Variants in LRRC4C observed in about 807,000 individuals in gnomAD.
LRRC4C encodes the protein leucine rich repeat containing 4C.
A neutral mutation model predicts 33.6 loss-of-function variants in LRRC4C; 5 were observed. The ratio of observed to expected loss-of-function variants is 0.15; its 90% CI spans 0.08 to 0.31. The LOEUF (loss-of-function observed/expected upper bound fraction) is 0.31, where lower values mean the gene tolerates loss of function less well. Among genes scored for constraint, LRRC4C ranks in the 10% least tolerant of loss-of-function variants. LRRC4C has a pLI of 1.00. For missense variants in LRRC4C, 560 were observed against 796.7 expected (o/e 0.70, Z 3.58); for synonymous variants, 329 against 302.0 (o/e 1.09, Z -0.93).
intron 1 of LRRC4C, among the ~76,000 whole-genome samples, chr11:41,340,890 G>A (rs530320547): frequency 3.9e-5 from 6 of 152,256 alleles, no homozygotes; most frequent in South Asian, 4.1e-4. Flanking sequence ...TTTGCAAGTC[G>A]AAACTGTGCA....
intron 1 of LRRC4C, among the ~76,000 whole-genome samples, chr11:41,284,055 TA>T (rs1231954616): frequency 6.6e-6 from 1 of 152,214 alleles, no homozygotes; most frequent in Non-Finnish European, 1.5e-5. Flanking sequence ...AAACACTAGA[TA>T]AAATTGTACC....
At chr11:41,123,464 G>T (rs1156933997) in intron 1 of LRRC4C, among the ~76,000 whole-genome samples, 2 of 150,182 alleles carry the variant, frequency 1.3e-5, no homozygotes, top group Admixed American at 1.3e-4. Flanking sequence ...AGTAGAGACG[G>T]GGTTTCACCG....
chr11:40,251,715 C>T lies in LRRC4C; in HGVS notation c.-175-10117G>A, dbSNP rs560576657. On this transcript the variant is annotated intron_variant, in intron 4 of 6. Coordinates refer to ENST00000528697, the MANE Select transcript of LRRC4C (RefSeq NM_001258419.2). ...TCTCTGATTACAGCTGAAAGAAACA[C>T]CTTGGCTCTAATAAGTTACTTTGAT... is the stretch of plus-strand genomic sequence containing the variant. 3.3e-4 allele frequency among the ~76,000 whole-genome samples: 51 copies of T among 152,296 alleles called. 1 individual carries two copies. In the South Asian group the frequency reaches 0.011, roughly 32 times the overall value.
In LRRC4C at chr11:40,116,236, G is replaced by A. The variant is rs1330356307; in HGVS notation, c.57C>T (p.Asn19=). ...CAAGCAGGGGGTCAAATAGGGCCCT[G>A]TTAAACCTAGGACCTATCATTATCT... ...PQQIMIGPRF[N]RALFDPLLVV... Residue 19 remains asparagine, a synonymous_variant, in exon 7 of 7, where the codon AAC becomes AAT. Transcript: ENST00000528697. 16 of 1,614,024 alleles carry A rather than the reference G, an allele frequency of 9.9e-6. No individual in the cohort carries two copies. Among genetic ancestry groups the A allele is most frequent in the Non-Finnish European group, 1.4e-5 (16 of 1,179,994 alleles).
At chr11:41,086,410 T>A (rs911325055) in intron 1 of LRRC4C, among the ~76,000 whole-genome samples, 5 of 152,160 alleles carry the variant, frequency 3.3e-5, no homozygotes, top group Non-Finnish European at 7.4e-5. Flanking sequence ...ACAAACACTT[T>A]TAAATCATGG....
chr11:40,486,363 A>C (rs1953864868), intron 3 of LRRC4C, among the ~76,000 whole-genome samples: 1 of 152,054 alleles, frequency 6.6e-6, no homozygotes, highest in African/African-American at 2.4e-5. Flanking sequence ...TAAAGTTGAA[A>C]CATAAGACAA....
intron 3 of LRRC4C, among the ~76,000 whole-genome samples, chr11:40,580,130 A>C (rs1484591105): frequency 2.0e-5 from 3 of 151,566 alleles, no homozygotes; most frequent in Admixed American, 2.0e-4. Flanking sequence ...CTACTGTATT[A>C]GTCGGTTTTC....
intron 2 of LRRC4C, among the ~76,000 whole-genome samples, chr11:40,784,447 AAT>A (rs1394234120): frequency 6.6e-6 from 1 of 152,168 alleles, no homozygotes; most frequent in African/African-American, 2.4e-5. Flanking sequence ...GCAAAAGCAA[AAT>A]AGTCAATATG....
intron 1 of LRRC4C, among the ~76,000 whole-genome samples, chr11:41,022,863 C>T (rs1328370753): frequency 6.6e-6 from 1 of 151,904 alleles, no homozygotes; most frequent in Non-Finnish European, 1.5e-5. Context: ...AGAGAACACT[C>T]TTCTGCCAGA....
intron 2 of LRRC4C, among the ~76,000 whole-genome samples, chr11:40,722,109 C>T (rs1396528184): frequency 6.6e-6 from 1 of 152,132 alleles, no homozygotes; most frequent in Non-Finnish European, 1.5e-5. Context: ...TTAAAAATTG[C>T]TAGCGCTTCT....
chr11:40,921,091 TA>T (rs1388466696), intron 2 of LRRC4C, among the ~76,000 whole-genome samples: 1 of 151,912 alleles, frequency 6.6e-6, no homozygotes, highest in Non-Finnish European at 1.5e-5. Flanking sequence ...CAGCTAATTT[TA>T]AAAAAATTTT....
Position 40,610,559 on chromosome 11 carries a change from C to T in LRRC4C, c.-270+37583G>A, listed in dbSNP as rs1961111624. ...GAAAGAAAAAGTAACAAAAAGCGTTCAAATAAAAAAAAAGATCTAAAATTA... is the reference window on the plus strand; with the variant it reads ...GAAAGAAAAAGTAACAAAAAGCGTTTAAATAAAAAAAAAGATCTAAAATTA... On this transcript the variant is annotated intron_variant, in intron 3 of 6. Transcript: ENST00000528697. Among the ~76,000 whole-genome samples the T allele has an allele frequency of 3.5e-5, 5 of 142,016 alleles. No homozygotes were observed. The Admixed American group carries it at 3.6e-4, about 10-fold the overall frequency. 93.2% of individuals were successfully genotyped at this position (142,016 alleles called of 152,430 possible).
intron 1 of LRRC4C, among the ~76,000 whole-genome samples, chr11:41,388,139 G>A (rs1953435106): frequency 6.6e-6 from 1 of 151,796 alleles, no homozygotes; most frequent in African/African-American, 2.4e-5. Flanking sequence ...TTGAAAAAAA[G>A]ATAGGCTTAC....
intron 2 of LRRC4C, among the ~76,000 whole-genome samples, chr11:40,850,486 G>T (rs2135736133): frequency 6.6e-6 from 1 of 152,286 alleles, no homozygotes; most frequent in East Asian, 1.9e-4. Context: ...AGCAAAGACT[G>T]CTGCCTGCTC....
chr11:41,168,935 C>T (rs775777775), intron 1 of LRRC4C, among the ~76,000 whole-genome samples: 6 of 152,126 alleles, frequency 3.9e-5, no homozygotes, highest in South Asian at 4.1e-4. Flanking sequence ...AACAATGCCC[C>T]ATGCCAGGAG....
At chr11:41,210,427 T>C (rs559285202) in intron 1 of LRRC4C, among the ~76,000 whole-genome samples, 2 of 152,280 alleles carry the variant, frequency 1.3e-5, no homozygotes, top group Admixed American at 1.3e-4. Context: ...CCTGCCACCA[T>C]GTAAGACATG....
intron 3 of LRRC4C, among the ~76,000 whole-genome samples, chr11:40,462,541 C>T (rs904521021): frequency 2.0e-5 from 3 of 152,084 alleles, no homozygotes; most frequent in Non-Finnish European, 2.9e-5. Flanking sequence ...CTTTGTAAAC[C>T]TATTGAGATA....
chr11:41,086,582 T>G (rs1487275056), intron 1 of LRRC4C, among the ~76,000 whole-genome samples: 1 of 152,132 alleles, frequency 6.6e-6, no homozygotes, highest in African/African-American at 2.4e-5. Context: ...AATATTCAGT[T>G]CAAATTATGA....
intron 1 of LRRC4C, among the ~76,000 whole-genome samples, chr11:41,226,741 T>TACACACACAC (rs59285418): frequency 0.073 from 9,936 of 136,976 alleles, 423 homozygotes; most frequent in African/African-American, 0.093. Context: ...TCCTTACCAT[T>TACACACACAC]ACACACACAC....
Sources: allele counts gnomAD v4.1 joint callset (sites outside exome capture counted in the v4.1 genomes callset), GRCh38; gene constraint gnomAD v4.1.1; transcripts MANE v1.5; gene names NCBI Gene and HGNC (gene_info 2026-07-23, HGNC 2026-07-21).